TLN2: variants seen among roughly 807,000 people sequenced by gnomAD.
The protein encoded by TLN2 is talin-2.
Under a neutral mutation model 294.7 loss-of-function variants are expected in TLN2, and 118 were observed. The ratio of observed to expected loss-of-function variants is 0.40; its 90% CI spans 0.34 to 0.47. The LOEUF is 0.47. TLN2 is among the 20% of genes least tolerant of loss of function. The pLI is 0.84. For missense variants in TLN2, 3,083 were observed against 3,282.2 expected, an observed-to-expected ratio of 0.94 and a Z score of 1.48; for synonymous variants, 1,431 against 1,304.5, an observed-to-expected ratio of 1.10 and a Z score of -2.09.
intron 22 of TLN2, 102 bp from the exon 23 acceptor site, chr15:62,716,229 C>T: frequency 7.8e-7 from 1 of 1,280,948 alleles, no homozygotes; most frequent in Non-Finnish European, 1.0e-6. Flanking sequence ...TTTGACTATC[C>T]TTGCAAATGC....
chr15:62,837,560 T>C (rs1380171309), intron 57 of TLN2, among the ~76,000 whole-genome samples: 1 of 152,218 alleles, frequency 6.6e-6, no homozygotes, highest in African/African-American at 2.4e-5. Context: ...GTTCCCATCA[T>C]TACCGATTTA....
intron 1 of TLN2, among the ~76,000 whole-genome samples, chr15:62,506,549 CT>C (rs2039632189): frequency 6.6e-6 from 1 of 152,194 alleles, no homozygotes; most frequent in Non-Finnish European, 1.5e-5. Context: ...CCAGGAGATC[CT>C]TTAGTTTGTT....
Position 62,839,036 on chromosome 15 carries a change from A to C in TLN2, c.7500+55A>C, listed in dbSNP as rs990885595. 3.2e-6 allele frequency: 5 copies of C among 1,549,506 alleles called. No homozygotes were observed. In the African/African-American group the frequency reaches 5.1e-5, roughly 16 times the overall value. On this transcript the variant is annotated intron_variant, in intron 58 of 58. Transcript: ENST00000636159. Reference sequence around the variant, plus strand: ...CTTCCCGAGAGAGGTGTTGGGTTATAACAGAGACAAAAGAATAGTGACTTC... The same window carrying C: ...CTTCCCGAGAGAGGTGTTGGGTTATCACAGAGACAAAAGAATAGTGACTTC...
At position 62,711,968 on chromosome 15, in the gene TLN2, C is replaced by T; in HGVS notation, c.2525C>T (p.Ala842Val). ...LAQATSDLVN[A>V]MRSDAEAEID... ...CAAGCCACATCAGACCTCGTCAATG[C>T]CATGAGGTCAGATGCAGAAGCCGAA... Residue 842 changes from alanine to valine, a missense_variant, in exon 22 of 59, where the codon GCC (alanine) becomes GTC (valine). Physicochemically the swap from Ala to Val is moderately conservative, Grantham distance 64. Transcript: ENST00000636159. The T allele has an allele frequency of 6.2e-7, 1 of 1,614,130 alleles. No individual in the cohort carries two copies. The highest frequency in any genetic ancestry group is 8.5e-7 in the Non-Finnish European group (1 of 1,179,992).
rs2038086230 is a variant in TLN2, at chr15:62,481,470, G to A, written c.-238+90785G>A. ...CGCGAACTCTTAGGCACAAACGATT[G>A]TCCTGCCTCAGCTTCTTGAGTAGCT... On this transcript the variant is annotated intron_variant, in intron 1 of 58. Coordinates refer to ENST00000636159, the MANE Select transcript of TLN2 (RefSeq NM_015059.3). Among the ~76,000 whole-genome samples, 3 of 152,144 alleles carry A rather than the reference G, an allele frequency of 2.0e-5. No homozygotes were observed. The South Asian group carries it at 6.2e-4, about 32-fold the overall frequency.
chr15:62,513,364 C>T (rs1388523806), intron 1 of TLN2, among the ~76,000 whole-genome samples: 1 of 152,176 alleles, frequency 6.6e-6, no homozygotes, highest in Admixed American at 6.5e-5. Context: ...CACCTGCCTG[C>T]CAGGTGGGAA....
At chr15:62,448,643 TCA>T (rs2035947962) in intron 1 of TLN2, among the ~76,000 whole-genome samples, 1 of 152,176 alleles carries the variant, frequency 6.6e-6, no homozygotes, top group South Asian at 2.1e-4. Flanking sequence ...TTATTTTTAA[TCA>T]CAGAGAGAAA....
chr15:62,840,732 C>A lies in TLN2; in HGVS notation c.*122C>A, dbSNP rs954671213. 2.1e-5 allele frequency: 29 copies of A among 1,365,746 alleles called. No homozygotes were observed. Among genetic ancestry groups the A allele is most frequent in the African/African-American group, 2.9e-5 (2 of 68,310 alleles). 84.6% of individuals were successfully genotyped at this position (1,365,746 alleles called of 1,614,324 possible). A position where few individuals can be genotyped will look rare whatever the true frequency, so the allele number is the denominator to read the frequency against. ...ACCTCCCTCCCGGGTGAGCCTGGAG[C>A]CCTGCGTGCTTGTTCTCACATCTCT... On this transcript the variant is annotated 3_prime_UTR_variant, in exon 59 of 59. Coordinates refer to ENST00000636159, the MANE Select transcript of TLN2 (RefSeq NM_015059.3).
At chr15:62,600,835 T>C (rs1165852236) in intron 2 of TLN2, among the ~76,000 whole-genome samples, 1 of 152,234 alleles carries the variant, frequency 6.6e-6, no homozygotes, top group Non-Finnish European at 1.5e-5. Context: ...TATTTCAGTA[T>C]ATGTGTCAAA....
intron 1 of TLN2, among the ~76,000 whole-genome samples, chr15:62,461,332 T>C (rs933996793): frequency 1.3e-5 from 2 of 152,106 alleles, no homozygotes; most frequent in Non-Finnish European, 2.9e-5. Context: ...GTTTGTGAGA[T>C]TTGCCTCCAT....
chr15:62,748,519 C>A, intron 33 of TLN2, 75 bp downstream of exon 33: 1 of 1,200,806 alleles, frequency 8.3e-7, no homozygotes, highest in Non-Finnish European at 1.2e-6. Context: ...GTCTGTCTGT[C>A]TATGTCTGTG....
chr15:62,686,452 CTTTG>C (rs1218458796), intron 11 of TLN2, among the ~76,000 whole-genome samples, 185 bp from the exon 12 acceptor site: 1 of 152,092 alleles, frequency 6.6e-6, no homozygotes, highest in Non-Finnish European at 1.5e-5. Context: ...CTTCTCATGT[CTTTG>C]TTTGAGTTCC....
chr15:62,721,398 C>T (rs193118699), intron 25 of TLN2, among the ~76,000 whole-genome samples: 6 of 152,216 alleles, frequency 3.9e-5, no homozygotes, highest in Admixed American at 2.0e-4. Context: ...TTTTGCATTT[C>T]TCCGATATTC....
At chr15:62,427,902 A>G (rs1371019839) in intron 1 of TLN2, among the ~76,000 whole-genome samples, 2 of 152,168 alleles carry the variant, frequency 1.3e-5, no homozygotes, top group African/African-American at 4.8e-5. Flanking sequence ...AGGGCTAGGC[A>G]GTGTCAGATA....
chr15:62,713,929 A>ATATATATATATTC (rs368958929), intron 22 of TLN2, among the ~76,000 whole-genome samples: 5 of 125,210 alleles, frequency 4.0e-5, no homozygotes, highest in Non-Finnish European at 9.0e-5. Context: ...GTGTGTGTGT[A>ATATATATATATTC]TGTGTGTGTG....
At chr15:62,435,634 C>T (rs894243178) in intron 1 of TLN2, among the ~76,000 whole-genome samples, 7 of 152,138 alleles carry the variant, frequency 4.6e-5, no homozygotes, top group African/African-American at 7.2e-5. Flanking sequence ...TTCTGCCTCC[C>T]GGGTTCGAGC....
chr15:62,711,473 A>G (rs1426683967), intron 21 of TLN2, among the ~76,000 whole-genome samples: 1 of 152,272 alleles, frequency 6.6e-6, no homozygotes, highest in East Asian at 1.9e-4. Context: ...GGTAACCTAC[A>G]CATTAATACA....
chr15:62,723,369 C>T (rs2060258463), intron 26 of TLN2, among the ~76,000 whole-genome samples: 2 of 152,054 alleles, frequency 1.3e-5, no homozygotes, highest in Non-Finnish European at 1.5e-5. Flanking sequence ...CTCTGAGAAA[C>T]CAGATTAGAA....
chr15:62,668,155 T>G (rs2054947358), intron 9 of TLN2, among the ~76,000 whole-genome samples: 1 of 152,142 alleles, frequency 6.6e-6, no homozygotes, highest in Admixed American at 6.5e-5. Context: ...AGGGCTATAG[T>G]TGATACTATT....
Sources: gnomAD v4.1 joint callset for allele counts (sites outside exome capture counted in the v4.1 genomes callset) on GRCh38, gnomAD v4.1.1 for gene constraint, MANE v1.5 for transcripts, NCBI Gene and HGNC (gene_info 2026-07-23, HGNC 2026-07-21) for gene names.